Variants in VPS26C observed in about 807,000 individuals in gnomAD.
The protein encoded by VPS26C is VPS26 endosomal protein sorting factor C, also known as vacuolar protein sorting-associated protein 26C.
VPS26C carries 19 observed loss-of-function variants against 30.6 expected under a neutral mutation model. That is an observed-to-expected ratio of 0.62 (90% CI 0.43 to 0.91). The LOEUF (loss-of-function observed/expected upper bound fraction) is 0.91. Among genes scored for constraint, VPS26C ranks in the 40% least tolerant of loss-of-function variants. The pLI, the probability that VPS26C is intolerant of heterozygous loss-of-function variation, is 0.00. For missense variants in VPS26C, 318 were observed against 385.1 expected (o/e 0.83, Z 1.46); for synonymous variants, 132 against 151.5 (o/e 0.87, Z 0.95).
intron 1 of VPS26C, among the ~76,000 whole-genome samples, chr21:37,253,161 T>C (rs1466641205): frequency 1.3e-5 from 2 of 152,244 alleles, no homozygotes; most frequent in Non-Finnish European, 2.9e-5. Context: ...GCAATGAAAC[T>C]GTAACAAAAT....
intron 1 of VPS26C, among the ~76,000 whole-genome samples, chr21:37,254,005 T>C (rs1032251111): frequency 6.6e-6 from 1 of 152,228 alleles, no homozygotes; most frequent in South Asian, 2.1e-4. Flanking sequence ...TTGGAACTAC[T>C]GGCATAAGTG....
chr21:37,263,150 TA>T (rs957491994), intron 1 of VPS26C, among the ~76,000 whole-genome samples: 30 of 152,048 alleles, frequency 2.0e-4, no homozygotes, highest in African/African-American at 7.2e-4. Flanking sequence ...TATTTTTTCT[TA>T]AAAAAAAGGT....
intron 1 of VPS26C, among the ~76,000 whole-genome samples, chr21:37,246,768 C>T (rs1191894437): frequency 6.6e-6 from 1 of 152,152 alleles, no homozygotes; most frequent in Non-Finnish European, 1.5e-5. Flanking sequence ...AACCATACTT[C>T]CATACTTTTA....
Position 37,225,379 on chromosome 21 carries a change from T to C in VPS26C, c.*165A>G. 2 of 638,474 alleles carry C rather than the reference T, an allele frequency of 3.1e-6. No homozygotes were observed. Among genetic ancestry groups the C allele is most frequent in the South Asian group, 3.7e-5 (2 of 54,074 alleles). The allele number at this position is 638,474 out of a possible 1,614,324, so 39.6% of individuals were successfully genotyped here. A position where few individuals can be genotyped will look rare whatever the true frequency, so the allele number is the denominator to read the frequency against. On this transcript the variant is annotated 3_prime_UTR_variant, in exon 8 of 8. Coordinates refer to ENST00000309117, the MANE Select transcript of VPS26C (RefSeq NM_006052.2). Reference sequence around the variant, plus strand: ...GAGGTGCCTGTTGGAAGCAGAAGCCTCAAGAAATGAGGAAGGAAAGTTAAT... The same window carrying C: ...GAGGTGCCTGTTGGAAGCAGAAGCCCCAAGAAATGAGGAAGGAAAGTTAAT...
intron 1 of VPS26C, among the ~76,000 whole-genome samples, chr21:37,255,004 C>T (rs2148304205): frequency 6.6e-6 from 1 of 152,186 alleles, no homozygotes; most frequent in African/African-American, 2.4e-5. Context: ...TAATTCTGGG[C>T]ACTGTTCATG....
intron 1 of VPS26C, among the ~76,000 whole-genome samples, chr21:37,244,918 A>G (rs985316530): frequency 2.0e-5 from 3 of 152,180 alleles, no homozygotes; most frequent in Admixed American, 6.5e-5. Context: ...AACCCGCCCC[A>G]TGCTGGAAGC....
At chr21:37,241,818 T>C (rs2148293667) in intron 1 of VPS26C, among the ~76,000 whole-genome samples, 1 of 152,244 alleles carries the variant, frequency 6.6e-6, no homozygotes, top group Non-Finnish European at 1.5e-5. Context: ...CAAAACCCTA[T>C]CTCAAAAATA....
chr21:37,265,150 C>T lies in VPS26C; in HGVS notation c.57+2088G>A, dbSNP rs539165985. 3.3e-5 allele frequency among the ~76,000 whole-genome samples: 5 copies of T among 152,278 alleles called. No individual in the cohort carries two copies. The South Asian group carries it at 1.0e-3, about 32-fold the overall frequency. On this transcript the variant is annotated intron_variant, in intron 1 of 7. Coordinates refer to ENST00000309117, the MANE Select transcript of VPS26C (RefSeq NM_006052.2). Reference sequence around the variant, plus strand: ...AGGAGGGAGGGGGAATGAGGAGTGACAGCTAATGGGTTCAGGGTTTCTTTT... The same window carrying T: ...AGGAGGGAGGGGGAATGAGGAGTGATAGCTAATGGGTTCAGGGTTTCTTTT...
upstream of VPS26C, chr21:37,267,461 T>C: frequency 2.2e-6 from 1 of 460,682 alleles, no homozygotes; most frequent in Non-Finnish European, 3.6e-6. Flanking sequence ...GAGGGGCGAA[T>C]GCCCACGCCT....
intron 2 of VPS26C, 106 bp downstream of exon 2, chr21:37,240,390 A>T: frequency 1.5e-6 from 2 of 1,310,716 alleles, no homozygotes; most frequent in Non-Finnish European, 2.1e-6. Flanking sequence ...CTCCCAAATT[A>T]CTGAGATTAC....
chr21:37,260,410 G>T (rs2148309941), intron 1 of VPS26C, among the ~76,000 whole-genome samples: 1 of 152,304 alleles, frequency 6.6e-6, no homozygotes, highest in East Asian at 1.9e-4. Flanking sequence ...GCCAGGTGTG[G>T]TGGCTCATGC....
chr21:37,265,600 T>A (rs2086350105), intron 1 of VPS26C, among the ~76,000 whole-genome samples: 2 of 152,210 alleles, frequency 1.3e-5, no homozygotes, highest in South Asian at 4.1e-4. Flanking sequence ...GTCCCTTTAG[T>A]CTTATAGTCT....
intron 1 of VPS26C, among the ~76,000 whole-genome samples, chr21:37,254,364 C>A (rs2086221777): frequency 6.6e-6 from 1 of 152,178 alleles, no homozygotes; most frequent in Non-Finnish European, 1.5e-5. Context: ...GGTGGGGTGG[C>A]TCGCACTGTA....
At chr21:37,267,108 G>T (rs1569244916) in intron 1 of VPS26C, 130 bp downstream of exon 1, 2 of 859,052 alleles carry the variant, frequency 2.3e-6, no homozygotes, top group Non-Finnish European at 3.9e-6. Context: ...CACCCACCTT[G>T]GCGGAGACGC....
intron 1 of VPS26C, among the ~76,000 whole-genome samples, chr21:37,244,547 T>C (rs978807536): frequency 6.6e-6 from 1 of 152,236 alleles, no homozygotes; most frequent in Non-Finnish European, 1.5e-5. Context: ...ATTCTCTAAA[T>C]GTAAAAGGCC....
At chr21:37,264,601 G>A (rs769969741) in intron 1 of VPS26C, among the ~76,000 whole-genome samples, 34 of 152,208 alleles carry the variant, frequency 2.2e-4, no homozygotes, top group Non-Finnish European at 4.7e-4. Flanking sequence ...ATAGTCTCCT[G>A]TCACTGCCCT....
At position 37,227,571 on chromosome 21, in the gene VPS26C, G is replaced by A. The variant is rs1484648035; in HGVS notation, c.811+83C>T. On this transcript the variant is annotated intron_variant, in intron 7 of 7. Transcript: ENST00000309117. ...GAGGGACCGAAGGGCGGCAGGTTCT[G>A]AGCTCTGTGACCCACAGCAGGCCCT... 2.0e-5 allele frequency: 30 copies of A among 1,520,272 alleles called. 1 individual carries two copies. In the South Asian group the frequency reaches 3.4e-4, roughly 17 times the overall value. 94.2% of individuals were successfully genotyped at this position (1,520,272 alleles called of 1,614,324 possible).
rs575022629 is a variant in VPS26C at position 37,258,275 on chromosome 21, G to A, written c.57+8963C>T. Among the ~76,000 whole-genome samples, 2 of 152,360 alleles carry A rather than the reference G, an allele frequency of 1.3e-5. 1 individual carries two copies. The highest frequency in any genetic ancestry group is 4.1e-4 in the South Asian group (2 of 4,828). ...TCCTGATCCGCGCTGCAGTTCCCAG[G>A]CCGGTTGCAGCCGTTTCACAGAGAC... On this transcript the variant is annotated intron_variant, in intron 1 of 7. Coordinates refer to ENST00000309117, the MANE Select transcript of VPS26C (RefSeq NM_006052.2).
Position 37,233,533 on chromosome 21 carries a change from AT to A in VPS26C, c.352-92del. On this transcript the variant is annotated intron_variant, in intron 3 of 7. Coordinates refer to ENST00000309117, the MANE Select transcript of VPS26C (RefSeq NM_006052.2). The surrounding 1 kb of genome is among the most constrained non-coding windows in gnomAD (Gnocchi z 5.2). ...TTCAAAGAGACAAGTCAGTCAACAT[AT>A]TTTAGGGAAATGTTGTACAATCAGT... is the stretch of plus-strand genomic sequence containing the variant. 1 of 914,882 alleles carries A rather than the reference AT, an allele frequency of 1.1e-6. No homozygotes were observed. The highest frequency in any genetic ancestry group is 1.8e-6 in the Non-Finnish European group (1 of 555,334). 56.7% of individuals were successfully genotyped at this position (914,882 alleles called of 1,614,324 possible). A position where few individuals can be genotyped will look rare whatever the true frequency, so the allele number is the denominator to read the frequency against.
Sources: gnomAD v4.1 joint callset for allele counts (sites outside exome capture counted in the v4.1 genomes callset) on GRCh38, gnomAD v4.1.1 for gene constraint, Gnocchi (gnomAD v3.1) non-coding constraint, MANE v1.5 for transcripts, NCBI Gene and HGNC (gene_info 2026-07-23, HGNC 2026-07-21) for gene names.